KIFC1: variants seen among roughly 807,000 people sequenced by gnomAD.
KIFC1 encodes kinesin-like protein KIFC1.
KIFC1 carries 37 observed loss-of-function variants against 66.6 expected under a neutral mutation model. That is an observed-to-expected ratio of 0.56 (90% CI 0.43 to 0.73). KIFC1 has a LOEUF of 0.73. KIFC1 is among the 30% of genes least tolerant of loss of function. KIFC1 has a pLI of 0.00. For missense variants in KIFC1, 721 were observed against 859.8 expected (o/e 0.84, Z 2.02); for synonymous variants, 325 against 343.5 (o/e 0.95, Z 0.60).
intron 1 of KIFC1, among the ~76,000 whole-genome samples, chr6:33,393,387 T>G (rs1349396396): frequency 6.6e-6 from 1 of 150,842 alleles, no homozygotes; most frequent in Admixed American, 6.6e-5. Context: ...AGCAGAGAGA[T>G]AAGATTTGTT....
chr6:33,403,629 G>A lies in KIFC1; in HGVS notation c.355+94G>A. 7 of 1,574,590 alleles carry A rather than the reference G, an allele frequency of 4.4e-6. No individual in the cohort carries two copies. The highest frequency in any genetic ancestry group is 1.1e-5 in the South Asian group (1 of 90,154). ...AAATCCATTTGGTCTCTAAGGGGAA[G>A]GAGATGTAGCATCAGGTGTGGATCC... On this transcript the variant is annotated intron_variant, in intron 5 of 10. Coordinates refer to ENST00000428849, the MANE Select transcript of KIFC1 (RefSeq NM_002263.4). The surrounding 1 kb of genome is among the most constrained non-coding windows in gnomAD (Gnocchi z 4.6).
At position 33,409,736 on chromosome 6, in the gene KIFC1, TGTGTGTGTG is replaced by T. The variant is rs747716478; in HGVS notation, c.*47_*55del. The T allele has an allele frequency of 2.2e-4, 317 of 1,417,424 alleles. 1 individual carries two copies. Among genetic ancestry groups the T allele is most frequent in the Non-Finnish European group, 2.9e-4 (295 of 1,016,798 alleles). 87.8% of individuals were successfully genotyped at this position (1,417,424 alleles called of 1,614,324 possible). A position where few individuals can be genotyped will look rare whatever the true frequency, so the allele number is the denominator to read the frequency against. The stretch of plus-strand genomic sequence containing the variant: ...GTGTGTGTGTGTGTGTGTGTGTGTG[TGTGTGTGTG>T]TGTGTGTGTCCCTATGTCTATGTAT... On this transcript the variant is annotated 3_prime_UTR_variant, in exon 11 of 11. Transcript: ENST00000428849.
In KIFC1 at chr6:33,400,227, G is replaced by A; in HGVS notation, c.250+1840G>A. 2.6e-6 allele frequency: 4 copies of A among 1,565,040 alleles called. No homozygotes were observed. The highest frequency in any genetic ancestry group is 3.5e-6 in the Non-Finnish European group (4 of 1,151,120). On this transcript the variant is annotated intron_variant, in intron 3 of 10. Coordinates refer to ENST00000428849, the MANE Select transcript of KIFC1 (RefSeq NM_002263.4). This position sits in a 1 kb window ranked among gnomAD's most constrained non-coding sequence, Gnocchi z 4.3. ...GGTGCCGCATCTGTCGAGCAATGTT[G>A]ACGATCTCATCAAAAGTGATATTCC...
rs780741485 is a variant in KIFC1 at position 33,401,166 on chromosome 6, G to A, written c.251-2148G>A. Among the ~76,000 whole-genome samples, 54 of 152,028 alleles carry A rather than the reference G, an allele frequency of 3.6e-4. No individual in the cohort carries two copies. The highest frequency in any genetic ancestry group is 6.8e-4 in the Non-Finnish European group (46 of 67,986). On this transcript the variant is annotated intron_variant, in intron 3 of 10. Transcript: ENST00000428849. This position sits in a 1 kb window ranked among gnomAD's most constrained non-coding sequence, Gnocchi z 4.5. ...TTTTTTGTTTTTGAGACAGAGTCTCGCTCTTTCGCCCAGGCTGGAGTGCAA... is the reference window on the plus strand; with the variant it reads ...TTTTTTGTTTTTGAGACAGAGTCTCACTCTTTCGCCCAGGCTGGAGTGCAA...
At chr6:33,397,273 G>A (rs1420354700) in intron 1 of KIFC1, among the ~76,000 whole-genome samples, 2 of 148,508 alleles carry the variant, frequency 1.3e-5, no homozygotes, top group East Asian at 2.0e-4. Context: ...CACCGTGCTC[G>A]CCCAGAATTA....
Position 33,405,692 on chromosome 6 carries a change from T to C in KIFC1, c.1536+61T>C. ...GAGGAGTGGGCAGGGTGCCACGAGA[T>C]GGAGGTAGAGGGAGAAAGGAGCAAG... On this transcript the variant is annotated intron_variant, in intron 7 of 10. Coordinates refer to ENST00000428849, the MANE Select transcript of KIFC1 (RefSeq NM_002263.4). The surrounding 1 kb of genome is among the most constrained non-coding windows in gnomAD (Gnocchi z 5.4). 7.1e-7 allele frequency: 1 copy of C among 1,412,342 alleles called. No individual in the cohort carries two copies. The highest frequency in any genetic ancestry group is 1.6e-5 in the South Asian group (1 of 64,384). The allele number at this position is 1,412,342 out of a possible 1,614,324, so 87.5% of individuals were successfully genotyped here. A position where few individuals can be genotyped will look rare whatever the true frequency, so the allele number is the denominator to read the frequency against.
chr6:33,395,976 T>C (rs1185854544), intron 1 of KIFC1, among the ~76,000 whole-genome samples: 1 of 152,214 alleles, frequency 6.6e-6, no homozygotes, highest in East Asian at 1.9e-4. Flanking sequence ...ATTTCATTCC[T>C]TCAAAAACTG....
Position 33,405,721 on chromosome 6 carries a change from G to A in KIFC1, c.1536+90G>A. 1 of 1,291,424 alleles carries A rather than the reference G, an allele frequency of 7.7e-7. No homozygotes were observed. The highest frequency in any genetic ancestry group is 1.0e-6 in the Non-Finnish European group (1 of 979,742). The allele number at this position is 1,291,424 out of a possible 1,614,324, so 80.0% of individuals were successfully genotyped here. On this transcript the variant is annotated intron_variant, in intron 7 of 10. Transcript: ENST00000428849. This position sits in a 1 kb window ranked among gnomAD's most constrained non-coding sequence, Gnocchi z 5.4. ...GGTAGAGGGAGAAAGGAGCAAGAGAGAATTGAAGGATGAAGTGCAAGTTAT... is the reference window on the plus strand; with the variant it reads ...GGTAGAGGGAGAAAGGAGCAAGAGAAAATTGAAGGATGAAGTGCAAGTTAT...
rs1310956533 is a variant in KIFC1, at chr6:33,401,334, C to T, written c.251-1980C>T. Reference sequence around the variant, plus strand: ...TATTTTTAGTAGAGATGGGGTTTCACCGTATTAGTCAGGATGGTCTCGATC... The same window carrying T: ...TATTTTTAGTAGAGATGGGGTTTCATCGTATTAGTCAGGATGGTCTCGATC... On this transcript the variant is annotated intron_variant, in intron 3 of 10. Coordinates refer to ENST00000428849, the MANE Select transcript of KIFC1 (RefSeq NM_002263.4). This position sits in a 1 kb window ranked among gnomAD's most constrained non-coding sequence, Gnocchi z 4.5. 2.0e-5 allele frequency among the ~76,000 whole-genome samples: 3 copies of T among 151,796 alleles called. No individual in the cohort carries two copies. Among genetic ancestry groups the T allele is most frequent in the Non-Finnish European group, 4.4e-5 (3 of 67,976 alleles).
intron 1 of KIFC1, among the ~76,000 whole-genome samples, chr6:33,396,805 C>A (rs1333377440): frequency 6.6e-6 from 1 of 151,468 alleles, no homozygotes; most frequent in African/African-American, 2.4e-5. Flanking sequence ...CCTCAGCCTC[C>A]CCAGGAGCTG....
At chr6:33,394,488 G>A (rs1481260933) in intron 1 of KIFC1, among the ~76,000 whole-genome samples, 1 of 151,730 alleles carries the variant, frequency 6.6e-6, no homozygotes, top group East Asian at 1.9e-4. Flanking sequence ...TCCAAATGGA[G>A]ATTTTTTTTG....
chr6:33,403,702 C>T lies in KIFC1; in HGVS notation c.356-27C>T. Reference sequence around the variant, plus strand: ...GGATAGAGAGCCTAGACTTCACTGACCTTTGTCCTTTCTGTGTTCATCTTA... The same window carrying T: ...GGATAGAGAGCCTAGACTTCACTGATCTTTGTCCTTTCTGTGTTCATCTTA... On this transcript the variant is annotated intron_variant, in intron 5 of 10. Transcript: ENST00000428849. The surrounding 1 kb of genome is among the most constrained non-coding windows in gnomAD (Gnocchi z 4.6). The T allele has an allele frequency of 6.2e-7, 1 of 1,605,550 alleles. No homozygotes were observed. The highest frequency in any genetic ancestry group is 1.3e-5 in the African/African-American group (1 of 74,850).
At chr6:33,398,879 C>T (rs1391508912) in intron 3 of KIFC1, among the ~76,000 whole-genome samples, 1 of 152,154 alleles carries the variant, frequency 6.6e-6, no homozygotes, top group Non-Finnish European at 1.5e-5. Flanking sequence ...ATTCTGCTAC[C>T]CAGGGCAACT....
Position 33,391,895 on chromosome 6 carries a change from G to A in KIFC1, c.-91G>A, listed in dbSNP as rs146617967. On this transcript the variant is annotated 5_prime_UTR_variant, in exon 1 of 11. Transcript: ENST00000428849. ...CCGTGCGAGTTCTCTACCCTGCTTC[G>A]CGAGCGGGCGAGAGAACGCGAGTCC... 784 of 1,518,080 alleles carry A rather than the reference G, an allele frequency of 5.2e-4. 4 individuals carry two copies. The African/African-American group carries it at 7.4e-3, about 14-fold the overall frequency. The allele number at this position is 1,518,080 out of a possible 1,614,324, so 94.0% of individuals were successfully genotyped here. A position where few individuals can be genotyped will look rare whatever the true frequency, so the allele number is the denominator to read the frequency against.
chr6:33,400,616 T>A lies in KIFC1; in HGVS notation c.250+2229T>A. 1.2e-6 allele frequency: 1 copy of A among 860,756 alleles called. No individual in the cohort carries two copies. Among genetic ancestry groups the A allele is most frequent in the South Asian group, 1.5e-5 (1 of 67,428 alleles). 53.3% of individuals were successfully genotyped at this position (860,756 alleles called of 1,614,324 possible). A position where few individuals can be genotyped will look rare whatever the true frequency, so the allele number is the denominator to read the frequency against. The stretch of plus-strand genomic sequence containing the variant: ...CAGGATGACCGAAGAAAGTTGCACC[T>A]TGGCCTCCTCCGAGCCGAAAGCCGA... On this transcript the variant is annotated intron_variant, in intron 3 of 10. Coordinates refer to ENST00000428849, the MANE Select transcript of KIFC1 (RefSeq NM_002263.4). This position sits in a 1 kb window ranked among gnomAD's most constrained non-coding sequence, Gnocchi z 4.3.
At chr6:33,396,401 ATTTCT>A (rs1414687437) in intron 1 of KIFC1, among the ~76,000 whole-genome samples, 4 of 139,782 alleles carry the variant, frequency 2.9e-5, no homozygotes, top group East Asian at 2.1e-4. Flanking sequence ...TCTCTGTGTT[ATTTCT>A]TTTCTTTTTC....
At chr6:33,398,230 G>A in intron 2 of KIFC1, 58 bp from the exon 3 acceptor site, 1 of 1,613,618 alleles carries the variant, frequency 6.2e-7, no homozygotes, top group Non-Finnish European at 8.5e-7. Context: ...AGAAAGGAGA[G>A]AGAGAGTATA....
At chr6:33,407,096 A>G in intron 10 of KIFC1, 1 of 1,400,408 alleles carries the variant, frequency 7.1e-7, no homozygotes, top group South Asian at 1.6e-5. Context: ...TGATTAAAAA[A>G]AAAAGAAAAG....
chr6:33,405,482 G>A lies in KIFC1; in HGVS notation c.1387G>A (p.Glu463Lys), dbSNP rs1775599344. Residue 463 changes from glutamate (E) to lysine (K), a missense_variant, in exon 7 of 11, where the codon GAG becomes AAG. By Grantham distance (56) the Glu-to-Lys change is moderately conservative. Coordinates refer to ENST00000428849, the MANE Select transcript of KIFC1 (RefSeq NM_002263.4). The surrounding 1 kb of genome is among the most constrained non-coding windows in gnomAD (Gnocchi z 5.4). ...CTACAGCTTTGTAGCAAGCTACGTA[G>A]AGATCTACAATGAGACTGTCCGGGA... is the stretch of plus-strand genomic sequence containing the variant. Reference protein sequence around the residue: ...WTYSFVASYVEIYNETVRDLL... With the variant: ...WTYSFVASYVKIYNETVRDLL... The A allele has an allele frequency of 1.9e-6, 3 of 1,612,550 alleles. No individual in the cohort carries two copies.
Sources: allele counts gnomAD v4.1 joint callset (sites outside exome capture counted in the v4.1 genomes callset), GRCh38; gene constraint gnomAD v4.1.1; non-coding constraint Gnocchi (gnomAD v3.1); transcripts MANE v1.5; gene names NCBI Gene and HGNC (gene_info 2026-07-23, HGNC 2026-07-21).